The following CSTF1 variants were observed in gnomAD, a reference collection of about 807,000 sequenced individuals.
The protein encoded by CSTF1 is cleavage stimulation factor subunit 1, also known as CF-1 50 kDa subunit.
A neutral mutation model predicts 40.9 loss-of-function variants in CSTF1; 2 were observed. The ratio of observed to expected loss-of-function variants is 0.05; its 90% CI spans 0.02 to 0.15. The LOEUF (loss-of-function observed/expected upper bound fraction) is 0.15, where lower values mean the gene tolerates loss of function less well. Among genes scored for constraint, CSTF1 ranks in the 10% least tolerant of loss-of-function variants. The probability of loss-of-function intolerance (pLI) is 1.00; values close to 1 mark genes in which losing one functional copy is unlikely to be tolerated. For synonymous variants in CSTF1, 218 were observed against 207.2 expected, an observed-to-expected ratio of 1.05 and a Z score of -0.45; for missense variants, 279 against 558.9, an observed-to-expected ratio of 0.50 and a Z score of 5.05.
In CSTF1 at chr20:56,397,961, T is replaced by A; in HGVS notation, c.645+120T>A. 1 of 765,172 alleles carries A rather than the reference T, an allele frequency of 1.3e-6. No individual in the cohort carries two copies. Among genetic ancestry groups the A allele is most frequent in the Non-Finnish European group, 2.1e-6 (1 of 478,636 alleles). The allele number at this position is 765,172 out of a possible 1,614,324, so 47.4% of individuals were successfully genotyped here. A position where few individuals can be genotyped will look rare whatever the true frequency, so the allele number is the denominator to read the frequency against. On this transcript the variant is annotated intron_variant, in intron 4 of 5. Transcript: ENST00000217109. This position sits in a 1 kb window ranked among gnomAD's most constrained non-coding sequence, Gnocchi z 4.4. ...CCTGTAAGATGCGTACAGACCAGGA[T>A]GCATGCCCGATGGCACATGGATCAG...
At position 56,399,846 on chromosome 20, in the gene CSTF1, CAG is replaced by C. The variant is rs1318989745; in HGVS notation, c.1036+491_1036+492del. Among the ~76,000 whole-genome samples the C allele has an allele frequency of 6.6e-6, 1 of 152,178 alleles. No homozygotes were observed. Among genetic ancestry groups the C allele is most frequent in the African/African-American group, 2.4e-5 (1 of 41,454 alleles). On this transcript the variant is annotated intron_variant, in intron 5 of 5. Coordinates refer to ENST00000217109, the MANE Select transcript of CSTF1 (RefSeq NM_001324.3). The surrounding 1 kb of genome is among the most constrained non-coding windows in gnomAD (Gnocchi z 4.6). ...GCAGATATAAAGTAGGCTCAGCAGACAGAAAAAAATTGCATCCACTGAATTCT... is the reference window on the plus strand; with the variant it reads ...GCAGATATAAAGTAGGCTCAGCAGACAAAAAAATTGCATCCACTGAATTCT...
chr20:56,395,727 T>C lies in CSTF1; in HGVS notation c.169+6T>C, dbSNP rs534599794. 3.1e-6 allele frequency: 5 copies of C among 1,612,348 alleles called. No individual in the cohort carries two copies. The African/African-American group carries it at 5.3e-5, about 17-fold the overall frequency. On this transcript the variant is annotated splice_donor_region_variant and intron_variant, in intron 2 of 5. Transcript: ENST00000217109. ...CCTGCATCTCATCAAACTCGGTAGA[T>C]TGTGAACACAAATCCATACGTCCCA...
At chr20:56,395,011 C>T (rs941830407) in intron 1 of CSTF1, among the ~76,000 whole-genome samples, 3 of 151,326 alleles carry the variant, frequency 2.0e-5, no homozygotes, top group South Asian at 2.2e-4. Context: ...TATATAATTA[C>T]AGTAACAAGC....
chr20:56,406,280 T>A lies in CSTF1; in HGVS notation c.*2553T>A, dbSNP rs1232538116. On this transcript the variant is annotated 3_prime_UTR_variant, in exon 6 of 6. Coordinates refer to ENST00000217109, the MANE Select transcript of CSTF1 (RefSeq NM_001324.3). ...CTCTGCCATTCAAATAATGAATATC[T>A]GGTCAGGATACGAACTTATACCCTC... The A allele has an allele frequency of 6.6e-6, 1 of 152,132 alleles. No individual in the cohort carries two copies. The highest frequency in any genetic ancestry group is 1.5e-5 in the Non-Finnish European group (1 of 68,024). The allele number at this position is 152,132 out of a possible 1,614,324, so 9.4% of individuals were successfully genotyped here.
At chr20:56,403,432 G>A (rs1277924524) in intron 5 of CSTF1, 36 bp from the exon 6 acceptor site, 2 of 1,610,560 alleles carry the variant, frequency 1.2e-6, no homozygotes, top group South Asian at 2.2e-5. Context: ...CTAAGATGTG[G>A]ACTTAGAAAG....
chr20:56,400,170 TG>T, intron 5 of CSTF1, among the ~76,000 whole-genome samples: 1 of 152,272 alleles, frequency 6.6e-6, no homozygotes, highest in Admixed American at 6.5e-5. Flanking sequence ...GACTGGATTG[TG>T]TTTAAGTTTG....
At chr20:56,396,796 A>G (rs1281699256) in intron 2 of CSTF1, 1 of 157,248 alleles carries the variant, frequency 6.4e-6, no homozygotes, top group African/African-American at 2.4e-5. Context: ...ACTAGCATTC[A>G]TGTTAACAAT....
intron 2 of CSTF1, among the ~76,000 whole-genome samples, chr20:56,396,132 T>C (rs1013124482): frequency 1.3e-5 from 2 of 152,200 alleles, no homozygotes; most frequent in Non-Finnish European, 2.9e-5. Flanking sequence ...CCTTTATCAT[T>C]TGGGCTGTTT....
intron 5 of CSTF1, among the ~76,000 whole-genome samples, chr20:56,402,322 AGAG>A (rs1978494711): frequency 7.3e-6 from 1 of 136,818 alleles, no homozygotes; most frequent in African/African-American, 2.7e-5. Context: ...AAAAAAAAAA[AGAG>A]AGAATTTACA....
In CSTF1 at chr20:56,397,082, G is replaced by A. The variant is rs115717467; in HGVS notation, c.170-125G>A. The A allele has an allele frequency of 5.5e-4, 554 of 1,011,766 alleles. 4 individuals carry two copies. In the African/African-American group the frequency reaches 7.0e-3, roughly 13 times the overall value. The allele number at this position is 1,011,766 out of a possible 1,614,324, so 62.7% of individuals were successfully genotyped here. On this transcript the variant is annotated intron_variant, in intron 2 of 5. Transcript: ENST00000217109. This position sits in a 1 kb window ranked among gnomAD's most constrained non-coding sequence, Gnocchi z 4.4. ...AGTTTTGTAAAGTGTTAGGTGTCAC[G>A]CGGCTCCAAGAAATAGGAGGTTGAC...
chr20:56,403,311 T>G (rs1978549371), intron 5 of CSTF1, among the ~76,000 whole-genome samples, 157 bp from the exon 6 acceptor site: 1 of 152,132 alleles, frequency 6.6e-6, no homozygotes, highest in South Asian at 2.1e-4. Context: ...CCACTGTGCC[T>G]GGTTTGATTT....
intron 2 of CSTF1, chr20:56,396,873 T>TG (rs1469207328): frequency 1.3e-4 from 28 of 208,324 alleles, no homozygotes; most frequent in Admixed American, 1.6e-4. Context: ...AAATTTGGAA[T>TG]GGAAAAAAAT....
chr20:56,397,359 A>C lies in CSTF1; in HGVS notation c.322A>C (p.Lys108Gln). The part of the protein sequence containing the change: ...EYETCYVTSH[K>Q]GPCRVATYSR... ...CGAAACATGCTATGTCACATCACAT[A>C]AAGGACCATGCCGTGTAGCTACCTA... The change falls in exon 3 of 6, where the codon AAA (lysine) becomes CAA (glutamine). Residue 108 changes from lysine (K) to glutamine (Q), a missense_variant. Coordinates refer to ENST00000217109, the MANE Select transcript of CSTF1 (RefSeq NM_001324.3). This position sits in a 1 kb window ranked among gnomAD's most constrained non-coding sequence, Gnocchi z 4.4. 1 of 1,614,210 alleles carries C rather than the reference A, an allele frequency of 6.2e-7. No homozygotes were observed. The highest frequency in any genetic ancestry group is 1.7e-5 in the Admixed American group (1 of 60,022).
rs1978381238 is a variant in CSTF1, at chr20:56,399,908, T to A, written c.1036+551T>A. Among the ~76,000 whole-genome samples, 1 of 152,232 alleles carries A rather than the reference T, an allele frequency of 6.6e-6. No individual in the cohort carries two copies. Among genetic ancestry groups the A allele is most frequent in the Non-Finnish European group, 1.5e-5 (1 of 68,048 alleles). ...ATGTTGGTCTCATTGGTAACAGTAG[T>A]GCCTGTGGAGTCTTTTTATAATGAA... is the stretch of plus-strand genomic sequence containing the variant. On this transcript the variant is annotated intron_variant, in intron 5 of 5. Coordinates refer to ENST00000217109, the MANE Select transcript of CSTF1 (RefSeq NM_001324.3). This position sits in a 1 kb window ranked among gnomAD's most constrained non-coding sequence, Gnocchi z 4.6.
At chr20:56,393,132 A>ATATG (rs1491194814) in intron 1 of CSTF1, among the ~76,000 whole-genome samples, 3 of 129,096 alleles carry the variant, frequency 2.3e-5, no homozygotes, top group Non-Finnish European at 4.8e-5. Flanking sequence ...ATATATATAT[A>ATATG]CACACACACA....
chr20:56,404,537 T>C lies in CSTF1; in HGVS notation c.*810T>C, dbSNP rs1978622268. The C allele has an allele frequency of 6.6e-6, 1 of 152,212 alleles. No homozygotes were observed. The highest frequency in any genetic ancestry group is 1.5e-5 in the Non-Finnish European group (1 of 68,038). 9.4% of individuals were successfully genotyped at this position (152,212 alleles called of 1,614,324 possible). On this transcript the variant is annotated 3_prime_UTR_variant, in exon 6 of 6. Coordinates refer to ENST00000217109, the MANE Select transcript of CSTF1 (RefSeq NM_001324.3). ...CCTCTTTCTTAGGTGGTTTTAAGTC[T>C]TCAGTTCTCGTCAGCATGAACTAAC...
chr20:56,401,167 T>C (rs1407068427), intron 5 of CSTF1, among the ~76,000 whole-genome samples: 1 of 152,022 alleles, frequency 6.6e-6, no homozygotes, highest in African/African-American at 2.4e-5. Flanking sequence ...CATACAGGAC[T>C]GGGAGAAAAT....
chr20:56,392,816 G>A (rs1197801681), intron 1 of CSTF1, 103 bp downstream of exon 1: 1 of 152,218 alleles, frequency 6.6e-6, no homozygotes, highest in African/African-American at 2.4e-5. Flanking sequence ...AGTTAGCAAG[G>A]TGGCATGCGC....
In CSTF1 at chr20:56,397,840, A is replaced by G; in HGVS notation, c.644A>G (p.Gln215Arg). 6.2e-7 allele frequency: 1 copy of G among 1,604,738 alleles called. No individual in the cohort carries two copies. The highest frequency in any genetic ancestry group is 8.5e-7 in the Non-Finnish European group (1 of 1,172,324). The part of the protein sequence containing the change: ...PSAKRAFKYI[Q>R]EAEMLRSISF... ...GCAAAAAGAGCCTTCAAATACATTC[A>G]GGTAGGAATCTTTAGAAAGGAGCTT... is the stretch of plus-strand genomic sequence containing the variant. The change falls in exon 4 of 6, where the codon CAG becomes CGG. Residue 215 changes from glutamine to arginine, a missense_variant and splice_region_variant. Around this residue, in one of 4 missense-constraint regions of CSTF1, gnomAD observed 162 missense variants for 337.1 expected, o/e 0.48. Coordinates refer to ENST00000217109, the MANE Select transcript of CSTF1 (RefSeq NM_001324.3). This position sits in a 1 kb window ranked among gnomAD's most constrained non-coding sequence, Gnocchi z 4.4.
Sources: gnomAD v4.1 joint callset for allele counts (sites outside exome capture counted in the v4.1 genomes callset) on GRCh38, gnomAD v4.1.1 for gene constraint, gnomAD v4.1.1 regional missense constraint, Gnocchi (gnomAD v3.1) non-coding constraint, MANE v1.5 for transcripts, NCBI Gene and HGNC (gene_info 2026-07-23, HGNC 2026-07-21) for gene names.